CCDC125: variants seen among roughly 807,000 people sequenced by gnomAD.
CCDC125 encodes the protein coiled-coil domain containing 125.
A neutral mutation model predicts 57.4 loss-of-function variants in CCDC125; 43 were observed. The ratio of observed to expected loss-of-function variants is 0.75; its 90% confidence interval spans 0.59 to 0.97. The LOEUF (loss-of-function observed/expected upper bound fraction) is 0.97, where lower values mean the gene tolerates loss of function less well. Among genes scored for constraint, CCDC125 ranks in the 50% least tolerant of loss-of-function variants. The pLI is 0.00. For synonymous variants in CCDC125, 187 were observed against 195.2 expected (o/e 0.96, Z 0.35); for missense variants, 563 against 595.7 (o/e 0.95, Z 0.57).
At chr5:69,324,346 T>C in intron 1 of CCDC125, among the ~76,000 whole-genome samples, 1 of 152,196 alleles carries the variant, frequency 6.6e-6, no homozygotes, top group East Asian at 1.9e-4. Flanking sequence ...CAAGTGCTGC[T>C]GAGGATGTGG....
rs1754335841 is a variant in CCDC125 at position 69,290,837 on chromosome 5, C to G, written c.1099+1351G>C. Among the ~76,000 whole-genome samples, 2 of 151,764 alleles carry G rather than the reference C, an allele frequency of 1.3e-5. 1 individual carries two copies. The highest frequency in any genetic ancestry group is 4.2e-4 in the South Asian group (2 of 4,818). On this transcript the variant is annotated intron_variant, in intron 10 of 11. Transcript: ENST00000396496. The stretch of plus-strand genomic sequence containing the variant: ...TAGAGGCAGGGTTTCACCATGTTGG[C>G]CAGGCTGGTCTCAAACTCCTGACCT...
intron 3 of CCDC125, 76 bp from the exon 4 acceptor site, chr5:69,311,280 A>G: frequency 1.2e-6 from 1 of 869,486 alleles, no homozygotes; most frequent in Non-Finnish European, 1.8e-6. Flanking sequence ...GCTAGTCTAC[A>G]TTTACCCTTG....
intron 7 of CCDC125, among the ~76,000 whole-genome samples, chr5:69,303,360 A>ATT (rs1756806541): frequency 1.1e-5 from 1 of 88,784 alleles, no homozygotes; most frequent in African/African-American, 4.9e-5. Flanking sequence ...AGAATTGTTC[A>ATT]CTTTTTTTTT....
intron 10 of CCDC125, among the ~76,000 whole-genome samples, chr5:69,286,996 A>T (rs1451964980): frequency 4.8e-5 from 3 of 62,840 alleles, no homozygotes; most frequent in East Asian, 7.8e-4. Flanking sequence ...GTTTAAGATA[A>T]AAAAAAAAAA....
At chr5:69,298,571 A>C (rs1755807415) in intron 8 of CCDC125, among the ~76,000 whole-genome samples, 3 of 152,076 alleles carry the variant, frequency 2.0e-5, no homozygotes, top group Admixed American at 1.3e-4. Flanking sequence ...AGGTTGCCAA[A>C]AGCAACTAAG....
chr5:69,290,168 CTTAG>C (rs1046912588), intron 10 of CCDC125, among the ~76,000 whole-genome samples: 6 of 151,930 alleles, frequency 3.9e-5, no homozygotes, highest in African/African-American at 7.3e-5. Flanking sequence ...AGGGGGAAAG[CTTAG>C]TTAATGAAAC....
chr5:69,313,671 G>A, intron 3 of CCDC125: 1 of 753,764 alleles, frequency 1.3e-6, no homozygotes, highest in Non-Finnish European at 2.5e-6. Flanking sequence ...GGTGGCATAG[G>A]GGTTGTCGAT....
chr5:69,282,653 A>G lies in CCDC125; in HGVS notation c.*76T>C. 1 of 1,281,166 alleles carries G rather than the reference A, an allele frequency of 7.8e-7. No individual in the cohort carries two copies. Among genetic ancestry groups the G allele is most frequent in the East Asian group, 2.4e-5 (1 of 42,168 alleles). 79.4% of individuals were successfully genotyped at this position (1,281,166 alleles called of 1,614,324 possible). ...GGAAACATACAACTTCTCAAGATGC[A>G]GCAAAATTTACAAAATCATTTTTCA... On this transcript the variant is annotated 3_prime_UTR_variant, in exon 12 of 12. Coordinates refer to ENST00000396496, the MANE Select transcript of CCDC125 (RefSeq NM_176816.5).
intron 2 of CCDC125, among the ~76,000 whole-genome samples, chr5:69,316,716 T>C (rs1007164145): frequency 2.6e-5 from 4 of 152,300 alleles, no homozygotes; most frequent in South Asian, 4.1e-4. Context: ...TCTTTCTATG[T>C]TGACCAGGCT....
chr5:69,302,420 CAAAAAAAA>C (rs70992918), intron 7 of CCDC125, among the ~76,000 whole-genome samples: 1 of 30,742 alleles, frequency 3.3e-5, no homozygotes, highest in East Asian at 1.1e-3. Flanking sequence ...GACTCCATCT[CAAAAAAAA>C]AAAAAAAAAA....
At chr5:69,295,047 G>A in intron 8 of CCDC125, 147 bp from the exon 9 acceptor site, 1 of 548,942 alleles carries the variant, frequency 1.8e-6, no homozygotes, top group Non-Finnish European at 3.2e-6. Flanking sequence ...CAAAATAGAA[G>A]AAAGCTGAGA....
Position 69,323,606 on chromosome 5 carries a change from G to A in CCDC125, c.-40-3026C>T, listed in dbSNP as rs59233462. Among the ~76,000 whole-genome samples, 987 of 152,062 alleles carry A rather than the reference G, an allele frequency of 6.5e-3. 8 individuals are homozygous for A. The highest frequency in any genetic ancestry group is 0.023 in the African/African-American group (934 of 41,478). On this transcript the variant is annotated intron_variant, in intron 1 of 11. Transcript: ENST00000396496. ...GAGCTCCTATCCCACCTCAGGCCAC[G>A]CACAGCAGGTTTGGTTAGACTGTAC... is the stretch of plus-strand genomic sequence containing the variant.
intron 5 of CCDC125, 69 bp downstream of exon 5, chr5:69,307,882 G>A (rs1222649297): frequency 8.4e-7 from 1 of 1,187,656 alleles, no homozygotes; most frequent in Non-Finnish European, 1.3e-6. Context: ...CATTAGTATG[G>A]TGAGTTTAGG....
At chr5:69,322,143 G>GA (rs1760126555) in intron 1 of CCDC125, among the ~76,000 whole-genome samples, 1 of 147,822 alleles carries the variant, frequency 6.8e-6, no homozygotes, top group South Asian at 2.2e-4. Context: ...GCCCAGCTGG[G>GA]TTTTTTTTTT....
chr5:69,303,450 G>A (rs1309188137), intron 7 of CCDC125, among the ~76,000 whole-genome samples: 6 of 142,508 alleles, frequency 4.2e-5, no homozygotes, highest in Non-Finnish European at 7.5e-5. Flanking sequence ...CTGCAACCTC[G>A]GCCTCCAGAG....
At chr5:69,319,978 A>C (rs1053457679) in intron 2 of CCDC125, among the ~76,000 whole-genome samples, 1 of 151,960 alleles carries the variant, frequency 6.6e-6, no homozygotes, top group Middle Eastern at 3.2e-3. Context: ...AAAATTAGCC[A>C]GGTGTAGTGG....
Position 69,292,326 on chromosome 5 carries a change from C to T in CCDC125, c.961G>A (p.Val321Met), listed in dbSNP as rs146645017. The change falls in exon 10 of 12, where the codon GTG becomes ATG. Residue 321 changes from valine (V) to methionine (M), a missense_variant. Val to Met is a conservative substitution (Grantham distance 21). Transcript: ENST00000396496. ...GCAATTCTGAAAGCATCTGCCATCA[C>T]GTAAGCTTCTTCTTTACTCTTCTGC... ...ILQKSKEEAY[V>M]MADAFRIAFE... 1.5e-5 allele frequency: 24 copies of T among 1,613,538 alleles called. No individual in the cohort carries two copies. Among genetic ancestry groups the T allele is most frequent in the African/African-American group, 5.3e-5 (4 of 74,906 alleles).
At chr5:69,297,054 A>G (rs769950387) in intron 8 of CCDC125, among the ~76,000 whole-genome samples, 5 of 152,092 alleles carry the variant, frequency 3.3e-5, no homozygotes, top group South Asian at 2.1e-4. Flanking sequence ...CGTGCCATAT[A>G]TTTTATTTTA....
intron 1 of CCDC125, among the ~76,000 whole-genome samples, chr5:69,329,993 C>T (rs1400937568): frequency 6.6e-6 from 1 of 152,158 alleles, no homozygotes; most frequent in Non-Finnish European, 1.5e-5. Context: ...ACTAAAACAA[C>T]TCTTTAAAAG....
Sources: allele counts gnomAD v4.1 joint callset (sites outside exome capture counted in the v4.1 genomes callset), GRCh38; gene constraint gnomAD v4.1.1; transcripts MANE v1.5; gene names NCBI Gene and HGNC (gene_info 2026-07-23, HGNC 2026-07-21).